The following R3HDM1 variants were observed in gnomAD, a reference collection of about 807,000 sequenced individuals.
The protein encoded by R3HDM1 is R3H domain-containing protein 1.
R3HDM1 carries 46 observed loss-of-function variants against 141.1 expected under a neutral mutation model. The observed-to-expected ratio is 0.33, with a 90% confidence interval of 0.26 to 0.42. R3HDM1 has a LOEUF of 0.42. R3HDM1 is among the 10% of genes least tolerant of loss of function. The pLI is 1.00. For synonymous variants in R3HDM1, 435 were observed against 472.9 expected, an observed-to-expected ratio of 0.92 and a Z score of 1.04; for missense variants, 1,184 against 1,368.3, an observed-to-expected ratio of 0.87 and a Z score of 2.12.
At chr2:135,563,919 C>T (rs1375459011) in intron 1 of R3HDM1, among the ~76,000 whole-genome samples, 3 of 152,078 alleles carry the variant, frequency 2.0e-5, no homozygotes, top group Non-Finnish European at 4.4e-5. Context: ...AAGGAGCTTA[C>T]AATCATAGGG....
intron 1 of R3HDM1, among the ~76,000 whole-genome samples, chr2:135,593,599 C>A (rs1343154213): frequency 6.6e-6 from 1 of 152,182 alleles, no homozygotes; most frequent in Admixed American, 6.5e-5. Context: ...TGCCCACTAC[C>A]ATTTTGCTAG....
In R3HDM1 at chr2:135,711,963, T is replaced by TA. The variant is rs35616482; in HGVS notation, c.2736+1757dup. Reference sequence around the variant, plus strand: ...GACAGAGCGAGACTCTGTCTAAAATTAAAAAAAAAAAAAAAAAAAAAAAAA... The same window carrying TA: ...GACAGAGCGAGACTCTGTCTAAAATTAAAAAAAAAAAAAAAAAAAAAAAAAA... On this transcript the variant is annotated intron_variant, in intron 23 of 26. Transcript: ENST00000683871. Among the ~76,000 whole-genome samples the TA allele has an allele frequency of 2.1e-3, 176 of 85,096 alleles. 1 individual carries two copies. The highest frequency in any genetic ancestry group is 7.8e-3 in the African/African-American group (162 of 20,876). The allele number at this position is 85,096 out of a possible 152,430, so 55.8% of individuals were successfully genotyped here.
At chr2:135,551,409 G>T (rs1699823205) in intron 1 of R3HDM1, among the ~76,000 whole-genome samples, 1 of 152,070 alleles carries the variant, frequency 6.6e-6, no homozygotes, top group Admixed American at 6.5e-5. Flanking sequence ...AGAATAAATT[G>T]TCCATGTACC....
chr2:135,611,145 C>T (rs978901801), intron 3 of R3HDM1, among the ~76,000 whole-genome samples: 18 of 150,960 alleles, frequency 1.2e-4, no homozygotes, highest in African/African-American at 3.4e-4. Flanking sequence ...AGGATGGCTG[C>T]GCACGGTGGT....
intron 3 of R3HDM1, among the ~76,000 whole-genome samples, chr2:135,610,396 C>A (rs2060432338): frequency 6.6e-6 from 1 of 152,174 alleles, no homozygotes; most frequent in Non-Finnish European, 1.5e-5. Context: ...CCTTGTGTGC[C>A]AGAGTCAATG....
intron 1 of R3HDM1, among the ~76,000 whole-genome samples, chr2:135,562,828 T>C (rs1430938832): frequency 1.3e-5 from 2 of 152,238 alleles, no homozygotes; most frequent in Admixed American, 1.3e-4. Flanking sequence ...GAAAACGTCC[T>C]GTTTCAACCT....
intron 8 of R3HDM1, 37 bp from the exon 9 acceptor site, chr2:135,631,821 TCTC>T (rs769854764): frequency 6.3e-6 from 10 of 1,584,738 alleles, no homozygotes; most frequent in African/African-American, 1.4e-5. Flanking sequence ...TCATCACCAT[TCTC>T]CTTGACTTAC....
At chr2:135,692,766 G>A (rs1206036361) in intron 21 of R3HDM1, among the ~76,000 whole-genome samples, 6 of 152,128 alleles carry the variant, frequency 3.9e-5, no homozygotes, top group Non-Finnish European at 5.9e-5. Flanking sequence ...GAAGGATATC[G>A]TATTATGTGC....
Position 135,532,579 on chromosome 2 carries a change from C to T in R3HDM1, c.-250+946C>T, listed in dbSNP as rs184327282. On this transcript the variant is annotated intron_variant, in intron 1 of 26. Transcript: ENST00000683871. Reference sequence around the variant, plus strand: ...ATTTTCTAAATATATATATATATATCTTCATGGTTATAGTTTACCTAATTG... The same window carrying T: ...ATTTTCTAAATATATATATATATATTTTCATGGTTATAGTTTACCTAATTG... 2.7e-3 allele frequency among the ~76,000 whole-genome samples: 407 copies of T among 149,338 alleles called. 1 individual carries two copies. The highest frequency in any genetic ancestry group is 8.9e-3 in the African/African-American group (360 of 40,626).
chr2:135,677,402 A>T (rs1289765825), intron 20 of R3HDM1, among the ~76,000 whole-genome samples: 2 of 152,194 alleles, frequency 1.3e-5, no homozygotes, highest in East Asian at 3.8e-4. Flanking sequence ...AGCATTAAAC[A>T]GGATTGACAC....
intron 19 of R3HDM1, chr2:135,670,359 C>T: frequency 2.0e-6 from 2 of 981,638 alleles, no homozygotes; most frequent in Non-Finnish European, 1.2e-6. Flanking sequence ...CTTTTAGCTA[C>T]TCAACACATG....
In R3HDM1 at chr2:135,631,995, C is replaced by T. The variant is rs550905732; in HGVS notation, c.692C>T (p.Thr231Ile). Residue 231 changes from threonine (T) to isoleucine (I), a missense_variant, in exon 9 of 27, where the codon ACA becomes ATA. Around this residue, in one of 5 missense-constraint regions of R3HDM1, gnomAD observed 240 missense variants for 312.3 expected, o/e 0.77. Coordinates refer to ENST00000683871, the MANE Select transcript of R3HDM1 (RefSeq NM_001378107.1). ...GTCATAGTAAACAAAACTAGCAATA[C>T]AAGAATGTAAGTGTCAAGAGATGTA... Reference protein sequence around the residue: ...KSVIVNKTSNTRIPDQKFNEH... With the variant: ...KSVIVNKTSNIRIPDQKFNEH... 3 of 1,603,080 alleles carry T rather than the reference C, an allele frequency of 1.9e-6. No individual in the cohort carries two copies. Among genetic ancestry groups the T allele is most frequent in the Admixed American group, 1.7e-5 (1 of 58,964 alleles).
chr2:135,551,791 G>T (rs1276487322), intron 1 of R3HDM1, among the ~76,000 whole-genome samples: 1 of 152,132 alleles, frequency 6.6e-6, no homozygotes, highest in Admixed American at 6.5e-5. Flanking sequence ...TAAATTTTTT[G>T]AGTGAAATGT....
chr2:135,579,243 C>T (rs1357866443), intron 1 of R3HDM1, among the ~76,000 whole-genome samples: 1 of 152,184 alleles, frequency 6.6e-6, no homozygotes, highest in African/African-American at 2.4e-5. Flanking sequence ...AGGAACCAAT[C>T]TGTTGGAACT....
Position 135,604,912 on chromosome 2 carries a change from G to C in R3HDM1, c.67G>C (p.Val23Leu). The stretch of plus-strand genomic sequence containing the variant: ...AACAATGAAGGATTTGGAGGCAGAA[G>C]TGAAAGATACAACCAGAGTTGAAAA... ...TATMKDLEAEVKDTTRVENLI... is the reference protein window; with the variant it reads ...TATMKDLEAELKDTTRVENLI... Residue 23 changes from valine (V) to leucine (L), a missense_variant, in exon 3 of 27, where the codon GTG becomes CTG. By Grantham distance (32) the Val-to-Leu change is conservative. Around this residue, in one of 5 missense-constraint regions of R3HDM1, gnomAD observed 192 missense variants for 215.7 expected, o/e 0.89. Coordinates refer to ENST00000683871, the MANE Select transcript of R3HDM1 (RefSeq NM_001378107.1). 1.2e-6 allele frequency: 2 copies of C among 1,611,486 alleles called. No individual in the cohort carries two copies. The highest frequency in any genetic ancestry group is 8.5e-7 in the Non-Finnish European group (1 of 1,177,874).
intron 1 of R3HDM1, chr2:135,533,923 C>A: frequency 1.2e-6 from 1 of 850,430 alleles, no homozygotes; most frequent in Non-Finnish European, 1.4e-6. Flanking sequence ...AATCCCCTAG[C>A]ATTGTGCCTG....
Position 135,636,954 on chromosome 2 carries a change from A to G in R3HDM1, c.903+771A>G, listed in dbSNP as rs571967189. On this transcript the variant is annotated intron_variant, in intron 11 of 26. Coordinates refer to ENST00000683871, the MANE Select transcript of R3HDM1 (RefSeq NM_001378107.1). ...AATAATTTATCCCCAAAACAACCCT[A>G]TATGGTAGATACTATCATTGTTTTT... is the stretch of plus-strand genomic sequence containing the variant. Among the ~76,000 whole-genome samples, 6 of 152,288 alleles carry G rather than the reference A, an allele frequency of 3.9e-5. No homozygotes were observed. The East Asian group carries it at 1.2e-3, about 29-fold the overall frequency.
intron 19 of R3HDM1, among the ~76,000 whole-genome samples, chr2:135,668,428 A>G (rs2067847328): frequency 6.6e-6 from 1 of 152,222 alleles, no homozygotes; most frequent in Admixed American, 6.5e-5. Flanking sequence ...GTGATAAAAC[A>G]TTTCATCATG....
intron 19 of R3HDM1, among the ~76,000 whole-genome samples, chr2:135,667,438 G>A (rs1275649211): frequency 6.6e-6 from 1 of 151,766 alleles, no homozygotes; most frequent in Non-Finnish European, 1.5e-5. Context: ...TTATTTTGTT[G>A]TTTGGTATCA....
Sources: allele counts gnomAD v4.1 joint callset (sites outside exome capture counted in the v4.1 genomes callset), GRCh38; gene constraint gnomAD v4.1.1; regional missense constraint gnomAD v4.1.1; transcripts MANE v1.5; gene names NCBI Gene and HGNC (gene_info 2026-07-23, HGNC 2026-07-21).